PAK6: variants seen among roughly 807,000 people sequenced by gnomAD.
PAK6 encodes the protein serine/threonine-protein kinase PAK 6.
A neutral mutation model predicts 60.8 loss-of-function variants in PAK6; 33 were observed. That is an observed-to-expected ratio of 0.54 (90% CI 0.41 to 0.73). The LOEUF (loss-of-function observed/expected upper bound fraction) is 0.73, where lower values mean the gene tolerates loss of function less well. Ranked by LOEUF, PAK6 falls within the 30% of genes least tolerant of loss-of-function variation. The pLI is 0.00. For synonymous variants in PAK6, 404 were observed against 378.5 expected, an observed-to-expected ratio of 1.07 and a Z score of -0.78; for missense variants, 845 against 904.1, an observed-to-expected ratio of 0.93 and a Z score of 0.84.
chr15:40,262,301 C>T (rs2039004296), intron 3 of PAK6, among the ~76,000 whole-genome samples: 1 of 152,104 alleles, frequency 6.6e-6, no homozygotes, highest in Non-Finnish European at 1.5e-5. Context: ...GTCAGAAGTT[C>T]GAGACCAGCC....
chr15:40,244,056 G>T (rs1170707666), intron 2 of PAK6, among the ~76,000 whole-genome samples: 2 of 152,224 alleles, frequency 1.3e-5, no homozygotes, highest in African/African-American at 4.8e-5. Flanking sequence ...CGTGGGCAAG[G>T]TGCAGTGGCT....
intron 4 of PAK6, 71 bp from the exon 5 acceptor site, chr15:40,265,771 C>G: frequency 7.1e-7 from 1 of 1,414,612 alleles, no homozygotes; most frequent in Non-Finnish European, 9.5e-7. Context: ...TTCTCTGACC[C>G]TGATCTCCCA....
intron 4 of PAK6, 65 bp from the exon 5 acceptor site, chr15:40,265,777 T>TTCCCCCCC: frequency 6.9e-7 from 1 of 1,445,930 alleles, no homozygotes. Context: ...GACCCTGATC[T>TTCCCCCCC]CCCAGCCACC....
chr15:40,266,315 G>A (rs185330250), exon 5 of PAK6: 23 of 1,612,082 alleles, frequency 1.4e-5, no homozygotes, highest in Non-Finnish European at 1.7e-5. Flanking sequence ...GCTCTGAGGA[G>A]GCCCGGCCAC....
intron 5 of PAK6, among the ~76,000 whole-genome samples, chr15:40,268,100 T>G (rs1187916387): frequency 6.6e-6 from 1 of 152,172 alleles, no homozygotes; most frequent in African/African-American, 2.4e-5. Context: ...TCCCCCATAC[T>G]TGTGGGAGCA....
At chr15:40,265,746 G>T in intron 4 of PAK6, 96 bp from the exon 5 acceptor site, 1 of 1,176,462 alleles carries the variant, frequency 8.5e-7, no homozygotes, top group Non-Finnish European at 1.2e-6. Context: ...GTCCTCCCCA[G>T]GGCCCCCAGG....
chr15:40,275,349 G>C (rs756318829), intron 10 of PAK6, among the ~76,000 whole-genome samples: 1 of 125,250 alleles, frequency 8.0e-6, no homozygotes, highest in Admixed American at 9.8e-5. Flanking sequence ...GCAGTGGTGC[G>C]ATCTCAGCTC....
chr15:40,264,721 G>A, intron 3 of PAK6, 60 bp from the exon 4 acceptor site: 2 of 1,479,386 alleles, frequency 1.4e-6, no homozygotes, highest in South Asian at 1.2e-5. Context: ...GGTGCCCCAG[G>A]CCCTGCTGCA....
chr15:40,240,783 C>T, intron 2 of PAK6, 102 bp downstream of exon 2: 1 of 375,222 alleles, frequency 2.7e-6, no homozygotes, highest in Non-Finnish European at 5.3e-6. Flanking sequence ...AGGCTAACTC[C>T]ACAGCTGTGG....
intron 3 of PAK6, among the ~76,000 whole-genome samples, chr15:40,263,075 G>T (rs1224185627): frequency 6.6e-6 from 1 of 152,214 alleles, no homozygotes. Context: ...GTCACGCATG[G>T]TGAATTCCTA....
At chr15:40,249,128 T>C (rs2038586138) in intron 2 of PAK6, among the ~76,000 whole-genome samples, 1 of 152,084 alleles carries the variant, frequency 6.6e-6, no homozygotes, top group African/African-American at 2.4e-5. Flanking sequence ...TGCTATAACC[T>C]CACATGATGG....
intron 5 of PAK6, among the ~76,000 whole-genome samples, chr15:40,271,304 C>T (rs1353867911): frequency 1.3e-5 from 2 of 152,210 alleles, no homozygotes; most frequent in Admixed American, 1.3e-4. Context: ...GCTTCCAGGG[C>T]TGGGCCTGAG....
At chr15:40,266,616 C>T (rs534643422) in intron 5 of PAK6, 121 bp downstream of exon 5, 49 of 1,010,898 alleles carry the variant, frequency 4.8e-5, no homozygotes, top group East Asian at 2.5e-4. Context: ...CCGCCTAAGG[C>T]GGCAGAAATG....
chr15:40,274,298 C>G, intron 10 of PAK6, 22 bp downstream of exon 10: 3 of 1,574,950 alleles, frequency 1.9e-6, no homozygotes, highest in South Asian at 1.2e-5. Context: ...CACAAGGGTG[C>G]GACCTCGCAG....
intron 3 of PAK6, among the ~76,000 whole-genome samples, chr15:40,258,293 C>T (rs2038892395): frequency 6.6e-6 from 1 of 152,220 alleles, no homozygotes; most frequent in African/African-American, 2.4e-5. Flanking sequence ...ATAAAGACCT[C>T]CAGAGAGGGA....
chr15:40,242,747 G>A (rs1341315582), intron 2 of PAK6, among the ~76,000 whole-genome samples: 1 of 152,210 alleles, frequency 6.6e-6, no homozygotes, highest in East Asian at 1.9e-4. Context: ...AGCCCTAGGG[G>A]CCAGGAAGGG....
At chr15:40,269,813 C>T (rs2039251411) in intron 5 of PAK6, among the ~76,000 whole-genome samples, 1 of 152,190 alleles carries the variant, frequency 6.6e-6, no homozygotes, top group Non-Finnish European at 1.5e-5. Context: ...CAGCCAGCAC[C>T]TGCAGCAGCA....
At chr15:40,272,814 G>A in intron 6 of PAK6, 52 bp from the exon 7 acceptor site, 2 of 1,598,040 alleles carry the variant, frequency 1.3e-6, no homozygotes, top group Middle Eastern at 1.7e-4. Context: ...GGCAGTGGGT[G>A]GCCATGCGTC....
rs1595602983 is a variant in PAK6, at chr15:40,272,734, G to T, written c.1356+13G>T. The T allele has an allele frequency of 1.3e-6, 2 of 1,582,378 alleles. No individual in the cohort carries two copies. Among genetic ancestry groups the T allele is most frequent in the Admixed American group, 3.4e-5 (2 of 59,224 alleles). The stretch of plus-strand genomic sequence containing the variant: ...GCTCTTCAACGAGGTGGGAGGACAG[G>T]GTGGGACACAGACGGGGGCGTTGGG... On this transcript the variant is annotated intron_variant, in intron 6 of 10. Transcript: ENST00000560346.
Sources: allele counts gnomAD v4.1 joint callset (sites outside exome capture counted in the v4.1 genomes callset), GRCh38; gene constraint gnomAD v4.1.1; transcripts MANE v1.5; gene names NCBI Gene and HGNC (gene_info 2026-07-23, HGNC 2026-07-21).